PLEKHA8: variants seen among roughly 807,000 people sequenced by gnomAD.
The protein encoded by PLEKHA8 is pleckstrin homology domain-containing family A member 8.
Under a neutral mutation model 68.2 loss-of-function variants are expected in PLEKHA8, and 36 were observed. The ratio of observed to expected loss-of-function variants is 0.53; its 90% CI spans 0.40 to 0.70. The LOEUF is 0.70. PLEKHA8 is among the 30% of genes least tolerant of loss of function. PLEKHA8 has a pLI of 0.00. For missense variants in PLEKHA8, 505 were observed against 615.4 expected, an observed-to-expected ratio of 0.82 and a Z score of 1.90; for synonymous variants, 211 against 216.1, an observed-to-expected ratio of 0.98 and a Z score of 0.20.
Position 30,083,628 on chromosome 7 carries a change from C to A in PLEKHA8, c.*4841C>A. ...TTTCTTCTCTGCTGTTTTTATATAG[C>A]CTTTAATTAAAAGGAAAAAAATACC... On this transcript the variant is annotated 3_prime_UTR_variant, in exon 14 of 14. Coordinates refer to ENST00000449726, the MANE Select transcript of PLEKHA8 (RefSeq NM_001197026.2). 3 of 985,234 alleles carry A rather than the reference C, an allele frequency of 3.0e-6. No individual in the cohort carries two copies. Among genetic ancestry groups the A allele is most frequent in the Non-Finnish European group, 3.6e-6 (3 of 829,858 alleles). The allele number at this position is 985,234 out of a possible 1,614,324, so 61.0% of individuals were successfully genotyped here. A position where few individuals can be genotyped will look rare whatever the true frequency, so the allele number is the denominator to read the frequency against.
chr7:30,094,227 T>G (rs912158420), downstream of PLEKHA8, among the ~76,000 whole-genome samples: 2 of 152,156 alleles, frequency 1.3e-5, no homozygotes, highest in Non-Finnish European at 2.9e-5. Context: ...TTTAGTTCTT[T>G]GATTTAATCT....
chr7:30,062,605 A>G (rs1265089235), intron 11 of PLEKHA8, 67 bp from the exon 12 acceptor site: 33 of 1,188,490 alleles, frequency 2.8e-5, no homozygotes, highest in Non-Finnish European at 3.2e-5. Flanking sequence ...GATGTCTGCC[A>G]TTTCTTTATA....
In PLEKHA8 at chr7:30,082,955, G is replaced by A. The variant is rs1271853348; in HGVS notation, c.*4168G>A. 1 of 985,350 alleles carries A rather than the reference G, an allele frequency of 1.0e-6. No homozygotes were observed. Among genetic ancestry groups the A allele is most frequent in the Non-Finnish European group, 1.2e-6 (1 of 829,906 alleles). 61.0% of individuals were successfully genotyped at this position (985,350 alleles called of 1,614,324 possible). A position where few individuals can be genotyped will look rare whatever the true frequency, so the allele number is the denominator to read the frequency against. On this transcript the variant is annotated 3_prime_UTR_variant, in exon 14 of 14. Coordinates refer to ENST00000449726, the MANE Select transcript of PLEKHA8 (RefSeq NM_001197026.2). The stretch of plus-strand genomic sequence containing the variant: ...TATAATGGTGCGTCTCTGAATCACT[G>A]ATTAAAACCAGTTGCTTCTGATTTT...
At chr7:30,076,144 A>AT (rs1216805883) in intron 13 of PLEKHA8, among the ~76,000 whole-genome samples, 1 of 151,890 alleles carries the variant, frequency 6.6e-6, no homozygotes, top group East Asian at 1.9e-4. Flanking sequence ...ATGTATATAC[A>AT]TTTTTTCTAC....
intron 13 of PLEKHA8, chr7:30,075,224 A>G (rs1245554731): frequency 4.6e-5 from 7 of 152,206 alleles, no homozygotes; most frequent in Admixed American, 3.9e-4. Context: ...TCTAATGAAA[A>G]TGAAATATTT....
chr7:30,046,222 A>T lies in PLEKHA8; in HGVS notation c.170A>T (p.Asp57Val), dbSNP rs777939216. ...AVCEIQVHSV[D>V]NTRMDLIIPG... ...GTCTTGCTCCCAGTTCATTCTGTAG[A>T]TAATACACGCATGGACCTGATAATC... is the stretch of plus-strand genomic sequence containing the variant. The change falls in exon 3 of 14, where the codon GAT becomes GTT. Residue 57 changes from aspartate to valine, a missense_variant. By Grantham distance (152) the Asp-to-Val change is radical. Coordinates refer to ENST00000449726, the MANE Select transcript of PLEKHA8 (RefSeq NM_001197026.2). The T allele has an allele frequency of 6.2e-7, 1 of 1,606,660 alleles. No homozygotes were observed. The highest frequency in any genetic ancestry group is 8.5e-7 in the Non-Finnish European group (1 of 1,176,346).
At chr7:30,113,913 T>C (rs927841698) in intron 13 of PLEKHA8, among the ~76,000 whole-genome samples, 4 of 151,750 alleles carry the variant, frequency 2.6e-5, no homozygotes, top group African/African-American at 9.7e-5. Context: ...TTTTTTTTTT[T>C]TTTTTGAGAC....
At chr7:30,028,840 C>G (rs529863172) in intron 1 of PLEKHA8, 38 bp downstream of exon 1, 11 of 1,251,436 alleles carry the variant, frequency 8.8e-6, no homozygotes, top group Non-Finnish European at 1.1e-5. Flanking sequence ...CGCCGGGGGC[C>G]GGTCCTTTGT....
chr7:30,038,354 A>G (rs993540551), intron 1 of PLEKHA8, among the ~76,000 whole-genome samples: 4 of 152,236 alleles, frequency 2.6e-5, no homozygotes, highest in Non-Finnish European at 4.4e-5. Context: ...GAAGTAAACT[A>G]CAGATTAGTA....
intron 13 of PLEKHA8, among the ~76,000 whole-genome samples, chr7:30,103,858 G>A (rs1200452517): frequency 1.3e-5 from 2 of 152,122 alleles, no homozygotes; most frequent in African/African-American, 2.4e-5. Context: ...GATACAAAAA[G>A]CACTATAAAG....
chr7:30,054,507 A>C (rs1011942117), intron 7 of PLEKHA8, among the ~76,000 whole-genome samples: 8 of 150,830 alleles, frequency 5.3e-5, no homozygotes, highest in African/African-American at 2.0e-4. Context: ...TACATTGTTT[A>C]GTGAAAGCAA....
In PLEKHA8 at chr7:30,109,603, AAAAAAAAAAAG is replaced by A. The variant is rs1314871087; in HGVS notation, c.1363-19661_1363-19651del. On this transcript the variant is annotated intron_variant, in intron 13 of 13. Transcript: ENST00000396257. ...CTCTGTCTCAAAAAAAAAAAAAAAA[AAAAAAAAAAAG>A]AGAGAGAGATTAACATTGTGTAACT... Among the ~76,000 whole-genome samples the A allele has an allele frequency of 1.1e-3, 152 of 143,028 alleles. 4 individuals are homozygous for A. Among genetic ancestry groups the A allele is most frequent in the Non-Finnish European group, 1.9e-3 (126 of 65,210 alleles). The allele number at this position is 143,028 out of a possible 152,430, so 93.8% of individuals were successfully genotyped here.
intron 13 of PLEKHA8, among the ~76,000 whole-genome samples, chr7:30,119,425 G>A (rs1009995383): frequency 3.3e-5 from 5 of 152,090 alleles, no homozygotes; most frequent in East Asian, 1.9e-4. Context: ...CTGCAGCCCC[G>A]GAGGCAGCTG....
chr7:30,099,919 C>T (rs1795786620), intron 13 of PLEKHA8, among the ~76,000 whole-genome samples: 1 of 152,224 alleles, frequency 6.6e-6, no homozygotes, highest in Admixed American at 6.5e-5. Context: ...TGTATCCTCT[C>T]ATAGTTCTGG....
chr7:30,083,245 CT>C lies in PLEKHA8; in HGVS notation c.*4461del. The C allele has an allele frequency of 1.0e-6, 1 of 981,810 alleles. No individual in the cohort carries two copies. Among genetic ancestry groups the C allele is most frequent in the Non-Finnish European group, 1.2e-6 (1 of 826,728 alleles). 60.8% of individuals were successfully genotyped at this position (981,810 alleles called of 1,614,324 possible). A position where few individuals can be genotyped will look rare whatever the true frequency, so the allele number is the denominator to read the frequency against. ...ATTCTTATGGATTGTATATAGAATG[CT>C]TTCGTTAGAAGTACATTCTACTTCT... On this transcript the variant is annotated 3_prime_UTR_variant, in exon 14 of 14. Transcript: ENST00000449726.
rs1795087749 is a variant in PLEKHA8, at chr7:30,084,314, C to T, written c.*5527C>T. 3.0e-6 allele frequency: 3 copies of T among 985,132 alleles called. No individual in the cohort carries two copies. Among genetic ancestry groups the T allele is most frequent in the Middle Eastern group, 5.2e-4 (1 of 1,936 alleles). The allele number at this position is 985,132 out of a possible 1,614,324, so 61.0% of individuals were successfully genotyped here. ...ATTTATGCACTTTGAATATCTGTCA[C>T]GTGCAGTGTTAATGTTACCTGTTCT... On this transcript the variant is annotated 3_prime_UTR_variant, in exon 14 of 14. Transcript: ENST00000449726.
At chr7:30,077,456 A>C (rs1794676833) in intron 13 of PLEKHA8, among the ~76,000 whole-genome samples, 1 of 152,156 alleles carries the variant, frequency 6.6e-6, no homozygotes, top group African/African-American at 2.4e-5. Flanking sequence ...AGTATTTATC[A>C]TGTGCCAGGC....
rs149548208 is a variant in PLEKHA8, at chr7:30,074,246, T to TTGTGTGTGTGTGTGTGTG, written c.1362+124_1362+141dup. On this transcript the variant is annotated intron_variant, in intron 13 of 13. Coordinates refer to ENST00000449726, the MANE Select transcript of PLEKHA8 (RefSeq NM_001197026.2). ...CTAGTCATGATTGTCAGAAACAAAG[T>TTGTGTGTGTGTGTGTGTG]TGTGTGTGTGTGTGTGTGTGTGTGT... The TTGTGTGTGTGTGTGTGTG allele has an allele frequency of 8.4e-3, 4,102 of 488,280 alleles. 27 individuals carry two copies. The highest frequency in any genetic ancestry group is 0.017 in the Admixed American group (483 of 28,848). 30.2% of individuals were successfully genotyped at this position (488,280 alleles called of 1,614,324 possible).
chr7:30,061,478 C>A (rs1367701821), intron 10 of PLEKHA8, among the ~76,000 whole-genome samples: 1 of 152,146 alleles, frequency 6.6e-6, no homozygotes, highest in African/African-American at 2.4e-5. Flanking sequence ...CAATAAAAAT[C>A]TTTTTTGTCA....
Sources: gnomAD v4.1 joint callset for allele counts (sites outside exome capture counted in the v4.1 genomes callset) on GRCh38, gnomAD v4.1.1 for gene constraint, MANE v1.5 for transcripts, NCBI Gene and HGNC (gene_info 2026-07-23, HGNC 2026-07-21) for gene names.